FHDC1: variants seen among roughly 807,000 people sequenced by gnomAD.
The protein encoded by FHDC1 is FH2 domain-containing protein 1.
A neutral mutation model predicts 52.6 loss-of-function variants in FHDC1; 25 were observed. That is an observed-to-expected ratio of 0.48 (90% confidence interval 0.35 to 0.66). The LOEUF (loss-of-function observed/expected upper bound fraction) is 0.66. Among genes scored for constraint, FHDC1 ranks in the 30% least tolerant of loss-of-function variants. FHDC1 has a pLI of 0.01. For synonymous variants in FHDC1, 616 were observed against 581.5 expected, an observed-to-expected ratio of 1.06 and a Z score of -0.85; for missense variants, 1,459 against 1,452.8, an observed-to-expected ratio of 1.00 and a Z score of -0.07.
chr4:152,966,003 A>G (rs770055061), intron 9 of FHDC1, among the ~76,000 whole-genome samples: 4 of 152,354 alleles, frequency 2.6e-5, no homozygotes, highest in African/African-American at 7.2e-5. Flanking sequence ...AGGTGTAAAC[A>G]GTTTATAATT....
chr4:152,920,949 CTT>C, the FHDC1 span, among the ~76,000 whole-genome samples: 1 of 151,820 alleles, frequency 6.6e-6, no homozygotes. Context: ...CTTAAATCCT[CTT>C]GTTATGACTT....
In FHDC1 at chr4:152,968,117, C is replaced by A; in HGVS notation, c.1218+20C>A. On this transcript the variant is annotated intron_variant, in intron 10 of 11. Transcript: ENST00000511601. ...CTTCAGGTTTGTAGGTGACTCAAGTCAGTCCCTCTAATCTCATCTCCCAGC... is the reference window on the plus strand; with the variant it reads ...CTTCAGGTTTGTAGGTGACTCAAGTAAGTCCCTCTAATCTCATCTCCCAGC... 3 of 1,577,574 alleles carry A rather than the reference C, an allele frequency of 1.9e-6. No individual in the cohort carries two copies. The highest frequency in any genetic ancestry group is 2.2e-5 in the South Asian group (2 of 89,332).
upstream of FHDC1, among the ~76,000 whole-genome samples, chr4:152,931,575 C>A (rs573387090): frequency 3.5e-3 from 534 of 151,994 alleles, 3 homozygotes; most frequent in African/African-American, 0.013. Context: ...TGAGAGTCAT[C>A]ACATTATCTT....
At chr4:152,962,599 G>T (rs927198463) in intron 6 of FHDC1, among the ~76,000 whole-genome samples, 27 of 152,266 alleles carry the variant, frequency 1.8e-4, no homozygotes, top group Admixed American at 1.2e-3. Context: ...ATACCTATTT[G>T]ATTTCCAAGT....
chr4:152,974,622 G>T (rs1740778710), intron 11 of FHDC1, 53 bp from the exon 12 acceptor site: 4 of 1,494,226 alleles, frequency 2.7e-6, no homozygotes, highest in Non-Finnish European at 3.6e-6. Context: ...CTCTGGAACT[G>T]CACATTGGTC....
the FHDC1 span, among the ~76,000 whole-genome samples, chr4:152,919,257 G>A: frequency 1.3e-5 from 2 of 152,222 alleles, no homozygotes; most frequent in Non-Finnish European, 2.9e-5. Flanking sequence ...AATAAGACAG[G>A]CTTGCCCTTA....
rs1289179384 is a variant in FHDC1, at chr4:152,960,327, GTATC to G, written c.664-234_664-231del. Among the ~76,000 whole-genome samples the G allele has an allele frequency of 7.2e-5, 11 of 152,180 alleles. No homozygotes were observed. In the East Asian group the frequency reaches 2.1e-3, roughly 29 times the overall value. The stretch of plus-strand genomic sequence containing the variant: ...AGCTCTCCAGTTTACACGAGACTGT[GTATC>G]TATAGCTACATAAGTGACGCTAGCT... On this transcript the variant is annotated intron_variant, in intron 4 of 11. Coordinates refer to ENST00000511601, the MANE Select transcript of FHDC1 (RefSeq NM_001371116.1).
the FHDC1 span, among the ~76,000 whole-genome samples, chr4:152,918,751 A>G: frequency 6.6e-6 from 1 of 152,238 alleles, no homozygotes; most frequent in South Asian, 2.1e-4. Flanking sequence ...ATTGGCCTGT[A>G]TAAGTCTACA....
At position 152,949,695 on chromosome 4, in the gene FHDC1, G is replaced by A. The variant is rs566800638; in HGVS notation, c.499-3804G>A. ...TGATGGTGTAGCCACATGTCTCACT[G>A]AGTGGCATAGTGCTGCTGACTGTTT... On this transcript the variant is annotated intron_variant, in intron 2 of 11. Coordinates refer to ENST00000511601, the MANE Select transcript of FHDC1 (RefSeq NM_001371116.1). 5.9e-5 allele frequency among the ~76,000 whole-genome samples: 9 copies of A among 152,322 alleles called. No individual in the cohort carries two copies. In the South Asian group the frequency reaches 1.9e-3, roughly 32 times the overall value.
chr4:152,947,228 A>AG (rs1739762226), intron 2 of FHDC1, among the ~76,000 whole-genome samples: 1 of 152,036 alleles, frequency 6.6e-6, no homozygotes, highest in African/African-American at 2.4e-5. Context: ...AAAAAAAAAA[A>AG]AAAGAAAAAA....
rs1319649711 is a variant in FHDC1 at position 152,976,429 on chromosome 4, C to G, written c.3138C>G (p.Ser1046Arg). The G allele has an allele frequency of 1.2e-6, 2 of 1,613,776 alleles. No individual in the cohort carries two copies. The highest frequency in any genetic ancestry group is 1.7e-6 in the Non-Finnish European group (2 of 1,180,042). ...ARNTVASSSR[S>R]MRTDLPPVAK... ...ACACAGTGGCCTCCTCCTCTCGAAG[C>G]ATGAGAACAGATCTTCCTCCCGTGG... Residue 1046 changes from serine (S) to arginine (R), a missense_variant, in exon 12 of 12, where the codon AGC (serine) becomes AGG (arginine). By Grantham distance (110) the Ser-to-Arg change is moderately radical. This residue lies in a region of FHDC1 where 939 missense variants were observed against 854.5 expected (regional missense o/e 1.10). Transcript: ENST00000511601.
At position 152,975,795 on chromosome 4, in the gene FHDC1, C is replaced by A. The variant is rs772836892; in HGVS notation, c.2504C>A (p.Pro835His). 1.3e-6 allele frequency: 2 copies of A among 1,537,304 alleles called. No homozygotes were observed. Among genetic ancestry groups the A allele is most frequent in the Admixed American group, 2.0e-5 (1 of 48,902 alleles). ...TSSPPGEAPA[P>H]VSVDSEPSCK... ...AGCCCCCCTGGGGAGGCTCCTGCCC[C>A]CGTCTCTGTGGATAGTGAGCCCAGC... is the stretch of plus-strand genomic sequence containing the variant. Residue 835 changes from proline (P) to histidine (H), a missense_variant, in exon 12 of 12, where the codon CCC (proline) becomes CAC (histidine). Physicochemically the swap from Pro to His is moderately conservative, Grantham distance 77. This residue lies in a region of FHDC1 where 939 missense variants were observed against 854.5 expected (regional missense o/e 1.10). Transcript: ENST00000511601.
the FHDC1 span, among the ~76,000 whole-genome samples, chr4:152,914,129 A>G: frequency 6.6e-6 from 1 of 152,198 alleles, no homozygotes; most frequent in Non-Finnish European, 1.5e-5. Flanking sequence ...GCATTATTTC[A>G]AAGCTTTCCC....
rs1229173104 is a variant in FHDC1, at chr4:152,979,273, G to C, written c.*2550G>C. 6.6e-6 allele frequency: 1 copy of C among 152,250 alleles called. No homozygotes were observed. The highest frequency in any genetic ancestry group is 1.5e-5 in the Non-Finnish European group (1 of 68,098). 9.4% of individuals were successfully genotyped at this position (152,250 alleles called of 1,614,324 possible). A position where few individuals can be genotyped will look rare whatever the true frequency, so the allele number is the denominator to read the frequency against. On this transcript the variant is annotated 3_prime_UTR_variant, in exon 12 of 12. Coordinates refer to ENST00000511601, the MANE Select transcript of FHDC1 (RefSeq NM_001371116.1). ...TCCACAGGTCTTTCCACCTCTGTGA[G>C]TCCAAGTCAGGTCAATCAGCAAGGA...
Position 152,943,226 on chromosome 4 carries a change from T to TCCCCCCCCCCCCCCCCC in FHDC1, c.173_174insCCCCCCCCCCCCCCCCC (p.Pro64LeufsTer28). 1.2e-6 allele frequency: 2 copies of TCCCCCCCCCCCCCCCCC among 1,603,514 alleles called. No homozygotes were observed. The highest frequency in any genetic ancestry group is 1.7e-6 in the Non-Finnish European group (2 of 1,175,520). On this transcript the variant is annotated frameshift_variant, in exon 2 of 12. Transcript: ENST00000511601. LOFTEE classifies it high-confidence loss of function. ...ATGTTCAAGGGAAGAGTGTCCTTCCTCCCCTCCTCCACCCCCACCACCTCC... is the reference window on the plus strand; with the variant it reads ...ATGTTCAAGGGAAGAGTGTCCTTCCTCCCCCCCCCCCCCCCCCCCCCTCCTCCACCCCCACCACCTCC...
At chr4:152,970,382 T>C (rs1363432410) in intron 10 of FHDC1, among the ~76,000 whole-genome samples, 1 of 152,242 alleles carries the variant, frequency 6.6e-6, no homozygotes, top group Non-Finnish European at 1.5e-5. Flanking sequence ...GTAGAACTCC[T>C]GCCCGGTAAC....
At chr4:152,928,817 T>A in the FHDC1 span, among the ~76,000 whole-genome samples, 1 of 152,018 alleles carries the variant, frequency 6.6e-6, no homozygotes, top group Admixed American at 6.6e-5. Context: ...AAGCTTTCCG[T>A]ATCCTTGGCC....
chr4:152,954,462 G>T, intron 4 of FHDC1, 143 bp downstream of exon 4: 1 of 599,568 alleles, frequency 1.7e-6, no homozygotes, highest in Admixed American at 2.7e-5. Context: ...AGAGGCAGAT[G>T]AATCACCTGA....
rs1740021505 is a variant in FHDC1, at chr4:152,954,422, C to G, written c.663+103C>G. The G allele has an allele frequency of 5.8e-6, 5 of 867,268 alleles. No homozygotes were observed. In the East Asian group the frequency reaches 1.4e-4, roughly 24 times the overall value. 53.7% of individuals were successfully genotyped at this position (867,268 alleles called of 1,614,324 possible). ...ACATGGAAGGCCAGGAGCAGTGGCT[C>G]ACACCTGTAATCCCAGCACTTTGGG... On this transcript the variant is annotated intron_variant, in intron 4 of 11. Transcript: ENST00000511601.
Sources: allele counts gnomAD v4.1 joint callset (sites outside exome capture counted in the v4.1 genomes callset), GRCh38; gene constraint gnomAD v4.1.1; regional missense constraint gnomAD v4.1.1; transcripts MANE v1.5; gene names NCBI Gene and HGNC (gene_info 2026-07-23, HGNC 2026-07-21).